CCDC92B: variants seen among roughly 807,000 people sequenced by gnomAD.
The protein encoded by CCDC92B is coiled-coil domain-containing 92B.
CCDC92B carries 2 observed loss-of-function variants against 5.6 expected under a neutral mutation model. The observed-to-expected ratio is 0.36, with a 90% confidence interval of 0.15 to 1.12. CCDC92B has a LOEUF of 1.12. Among genes scored for constraint, CCDC92B ranks in the 50% most tolerant of loss-of-function variants. CCDC92B has a pLI of 0.40. For synonymous variants in CCDC92B, 115 were observed against 122.3 expected (o/e 0.94, Z 0.39); for missense variants, 271 against 262.2 (o/e 1.03, Z -0.23).
chr17:2,726,842 T>G (rs992946430), intron 3 of CCDC92B, among the ~76,000 whole-genome samples: 30 of 151,590 alleles, frequency 2.0e-4, no homozygotes, highest in Non-Finnish European at 4.0e-4. Context: ...CTCAAACTCC[T>G]GACCTTGTGA....
chr17:2,729,226 C>G (rs184430655), intron 3 of CCDC92B, among the ~76,000 whole-genome samples: 11 of 152,242 alleles, frequency 7.2e-5, no homozygotes, highest in Admixed American at 1.3e-4. Context: ...CTCGGTGGCT[C>G]ACACCTGTAC....
Position 2,724,498 on chromosome 17 carries a change from C to G in CCDC92B, c.681G>C (p.Pro227=), listed in dbSNP as rs963343885. Residue 227 remains proline (P), a synonymous_variant, in exon 4 of 4, where the codon CCG becomes CCC. Transcript: ENST00000614400. The surrounding 1 kb of genome is among the most constrained non-coding windows in gnomAD (Gnocchi z 5.0). The part of the protein sequence containing the change: ...RRPLRPSARS[P]RQPPPQEPPD... Reference sequence around the variant, plus strand: ...GGGGCTCCTGGGGAGGCGGCTGGCGCGGGCTGCGGGCGCTGGGCCGCAGCG... The same window carrying G: ...GGGGCTCCTGGGGAGGCGGCTGGCGGGGGCTGCGGGCGCTGGGCCGCAGCG... 1.0e-6 allele frequency: 1 copy of G among 980,950 alleles called. No homozygotes were observed. Among genetic ancestry groups the G allele is most frequent in the African/African-American group, 1.8e-5 (1 of 56,964 alleles). 60.8% of individuals were successfully genotyped at this position (980,950 alleles called of 1,614,324 possible).
At chr17:2,740,064 A>G (rs1255762554) in intron 1 of CCDC92B, among the ~76,000 whole-genome samples, 1 of 152,116 alleles carries the variant, frequency 6.6e-6, no homozygotes, top group African/African-American at 2.4e-5. Flanking sequence ...AATGTGAAAG[A>G]ATAAAGAGGG....
intron 1 of CCDC92B, among the ~76,000 whole-genome samples, chr17:2,743,781 A>G (rs1326152779): frequency 6.6e-6 from 1 of 152,172 alleles, no homozygotes; most frequent in Admixed American, 6.5e-5. Context: ...CCAATTTAAA[A>G]TAGAAGCTTT....
intron 2 of CCDC92B, among the ~76,000 whole-genome samples, chr17:2,731,525 G>A (rs1005765747): frequency 1.3e-5 from 2 of 152,136 alleles, no homozygotes; most frequent in African/African-American, 2.4e-5. Context: ...ACATCTCTGG[G>A]ACCACCACCC....
At chr17:2,746,961 AG>A (rs1242923537) in intron 1 of CCDC92B, among the ~76,000 whole-genome samples, 1 of 152,106 alleles carries the variant, frequency 6.6e-6, no homozygotes, top group East Asian at 1.9e-4. Flanking sequence ...TGTGAGCCAC[AG>A]CGCCTGGCCT....
chr17:2,725,123 A>G (rs2151736307), intron 3 of CCDC92B, 123 bp from the exon 4 acceptor site: 1 of 985,598 alleles, frequency 1.0e-6, no homozygotes, highest in Non-Finnish European at 1.2e-6. Flanking sequence ...CTGCAATCCC[A>G]GCACTTTGGG....
intron 2 of CCDC92B, among the ~76,000 whole-genome samples, chr17:2,733,748 T>G (rs1488516255): frequency 2.0e-5 from 1 of 49,556 alleles, no homozygotes; most frequent in African/African-American, 4.9e-5. Flanking sequence ...CACTGGCTTT[T>G]TTTTTTTTTT....
intron 1 of CCDC92B, among the ~76,000 whole-genome samples, chr17:2,740,965 CAAAAA>C (rs34349370): frequency 7.9e-5 from 4 of 50,932 alleles, no homozygotes; most frequent in South Asian, 9.3e-4. Flanking sequence ...GACCCTGTCT[CAAAAA>C]AAAAAAAAAA....
intron 1 of CCDC92B, among the ~76,000 whole-genome samples, chr17:2,737,164 G>A (rs2070867180): frequency 6.6e-6 from 1 of 152,016 alleles, no homozygotes; most frequent in South Asian, 2.1e-4. Context: ...CTGGAGCCCA[G>A]GACTTAGAGC....
At position 2,724,261 on chromosome 17, in the gene CCDC92B, T is replaced by G; in HGVS notation, c.*150A>C. On this transcript the variant is annotated 3_prime_UTR_variant, in exon 4 of 4. Coordinates refer to ENST00000614400, the MANE Select transcript of CCDC92B (RefSeq NM_001355573.2). This position sits in a 1 kb window ranked among gnomAD's most constrained non-coding sequence, Gnocchi z 5.0. ...TCGGGAAGTACAAAAGGCTGGCGGT[T>G]CGGGGATTTGGGGGGAGCCGGGGCC... The G allele has an allele frequency of 1.0e-6, 1 of 985,220 alleles. No homozygotes were observed. The highest frequency in any genetic ancestry group is 1.2e-6 in the Non-Finnish European group (1 of 829,866). 61.0% of individuals were successfully genotyped at this position (985,220 alleles called of 1,614,324 possible). A position where few individuals can be genotyped will look rare whatever the true frequency, so the allele number is the denominator to read the frequency against.
intron 3 of CCDC92B, among the ~76,000 whole-genome samples, chr17:2,726,935 A>G (rs2070737926): frequency 2.3e-5 from 3 of 130,048 alleles, no homozygotes; most frequent in Non-Finnish European, 1.6e-5. Context: ...TTTTTTTGAG[A>G]CAAAGTCTCC....
intron 3 of CCDC92B, among the ~76,000 whole-genome samples, chr17:2,728,169 C>T (rs2070754659): frequency 1.3e-5 from 2 of 150,922 alleles, no homozygotes; most frequent in South Asian, 4.2e-4. Flanking sequence ...TACAAAAAAG[C>T]TGGGCATGGT....
In CCDC92B at chr17:2,722,602, G is replaced by C. The variant is rs2070670255; in HGVS notation, c.*1809C>G. On this transcript the variant is annotated 3_prime_UTR_variant, in exon 4 of 4. Coordinates refer to ENST00000614400, the MANE Select transcript of CCDC92B (RefSeq NM_001355573.2). ...CCTGCTCCAACAAATGGAGAGAAAGGGGGTGTGATCTGGGACTCCCCCTTC... is the reference window on the plus strand; with the variant it reads ...CCTGCTCCAACAAATGGAGAGAAAGCGGGTGTGATCTGGGACTCCCCCTTC... The C allele has an allele frequency of 6.6e-6, 1 of 152,318 alleles. No individual in the cohort carries two copies. The highest frequency in any genetic ancestry group is 2.1e-4 in the South Asian group (1 of 4,836). The allele number at this position is 152,318 out of a possible 1,614,324, so 9.4% of individuals were successfully genotyped here.
chr17:2,741,451 C>T (rs1270063347), intron 1 of CCDC92B, among the ~76,000 whole-genome samples: 4 of 151,852 alleles, frequency 2.6e-5, no homozygotes, highest in Admixed American at 2.6e-4. Flanking sequence ...CCAAGGCGGG[C>T]AGATCACCTG....
At chr17:2,729,593 C>A (rs1014966729) in intron 3 of CCDC92B, among the ~76,000 whole-genome samples, 1 of 151,582 alleles carries the variant, frequency 6.6e-6, no homozygotes, top group Admixed American at 6.6e-5. Flanking sequence ...GTTCTGAGAT[C>A]TTATAATCTG....
chr17:2,729,923 TG>T, intron 3 of CCDC92B, among the ~76,000 whole-genome samples: 1 of 152,200 alleles, frequency 6.6e-6, no homozygotes, highest in Non-Finnish European at 1.5e-5. Context: ...ACAAGTTCCT[TG>T]AAGTCAAGGA....
At position 2,739,247 on chromosome 17, in the gene CCDC92B, G is replaced by A. The variant is rs186073092; in HGVS notation, c.-23-4079C>T. Among the ~76,000 whole-genome samples, 119 of 150,264 alleles carry A rather than the reference G, an allele frequency of 7.9e-4. 2 individuals carry two copies. Among genetic ancestry groups the A allele is most frequent in the African/African-American group, 2.6e-3 (107 of 40,468 alleles). ...CTGGGTGTGGTGGCGGGCGCCTGTA[G>A]TCCCAGCTACTCGGGAGGCTGAGGC... On this transcript the variant is annotated intron_variant, in intron 1 of 3. Transcript: ENST00000614400.
chr17:2,748,496 T>G, intron 1 of CCDC92B: 4 of 945,404 alleles, frequency 4.2e-6, no homozygotes, highest in South Asian at 4.9e-5. Flanking sequence ...GCCATAAGTC[T>G]TCATCGTGTT....
Sources: gnomAD v4.1 joint callset for allele counts (sites outside exome capture counted in the v4.1 genomes callset) on GRCh38, gnomAD v4.1.1 for gene constraint, Gnocchi (gnomAD v3.1) non-coding constraint, MANE v1.5 for transcripts, NCBI Gene and HGNC (gene_info 2026-07-23, HGNC 2026-07-21) for gene names.